SULT2B1: variants seen among roughly 807,000 people sequenced by gnomAD.
The protein encoded by SULT2B1 is sulfotransferase 2B1.
In SULT2B1, 16 loss-of-function variants were observed where a neutral mutation model predicts 33.2. That is an observed-to-expected ratio of 0.48 (90% CI 0.33 to 0.73). SULT2B1 has a LOEUF of 0.73. Ranked by LOEUF, SULT2B1 falls within the 30% of genes least tolerant of loss-of-function variation. SULT2B1 has a pLI of 0.02. For synonymous variants in SULT2B1, 186 were observed against 200.5 expected, an observed-to-expected ratio of 0.93 and a Z score of 0.61; for missense variants, 500 against 506.0, an observed-to-expected ratio of 0.99 and a Z score of 0.11.
intron 5 of SULT2B1, among the ~76,000 whole-genome samples, chr19:48,593,557 A>C (rs912278834): frequency 1.3e-5 from 2 of 152,146 alleles, no homozygotes; most frequent in Non-Finnish European, 2.9e-5. Context: ...GTTCCAAAAA[A>C]TAGAAAGAAA....
chr19:48,568,768 C>G (rs78935929), intron 1 of SULT2B1, among the ~76,000 whole-genome samples: 1 of 152,088 alleles, frequency 6.6e-6, no homozygotes, highest in African/African-American at 2.4e-5. Context: ...TCAGCGGCAC[C>G]GCCAGGGCTG....
chr19:48,570,084 G>A (rs945150089), intron 1 of SULT2B1, among the ~76,000 whole-genome samples: 1 of 152,114 alleles, frequency 6.6e-6, no homozygotes, highest in Non-Finnish European at 1.5e-5. Flanking sequence ...CACAGAGATG[G>A]AATTACACAG....
intron 1 of SULT2B1, among the ~76,000 whole-genome samples, chr19:48,573,660 C>T (rs1973361105): frequency 6.6e-6 from 1 of 152,020 alleles, no homozygotes; most frequent in Admixed American, 6.6e-5. Context: ...CTTGGCTGGA[C>T]TGTGGCGTTC....
At chr19:48,592,271 G>A (rs1053933254) in intron 4 of SULT2B1, among the ~76,000 whole-genome samples, 3 of 151,998 alleles carry the variant, frequency 2.0e-5, no homozygotes, top group Non-Finnish European at 4.4e-5. Flanking sequence ...CAGCCTGGGC[G>A]ACAGAGTGAG....
At chr19:48,592,962 G>A in intron 5 of SULT2B1, 146 bp downstream of exon 5, 1 of 695,218 alleles carries the variant, frequency 1.4e-6, no homozygotes, top group Non-Finnish European at 2.4e-6. Context: ...ACAGAACAGA[G>A]GCCCTGAGCC....
At chr19:48,579,283 C>CTTTT (rs142498510) in intron 2 of SULT2B1, among the ~76,000 whole-genome samples, 1 of 136,682 alleles carries the variant, frequency 7.3e-6, no homozygotes, top group Non-Finnish European at 1.6e-5. Context: ...CATGCAAGTT[C>CTTTT]TTTTTTTTTT....
intron 1 of SULT2B1, among the ~76,000 whole-genome samples, chr19:48,553,304 C>CTTATT (rs943363022): frequency 6.6e-6 from 1 of 152,080 alleles, no homozygotes; most frequent in South Asian, 2.1e-4. Flanking sequence ...TCATTCCTTT[C>CTTATT]TTATTTTATT....
At chr19:48,589,370 A>T (rs62130305) in intron 3 of SULT2B1, among the ~76,000 whole-genome samples, 33,477 of 151,706 alleles carry the variant, frequency 0.22, 3,871 homozygotes, top group South Asian at 0.24. Context: ...GGCCCATCCC[A>T]CGTCCAGCAG....
At chr19:48,571,207 A>T (rs574479537) in intron 1 of SULT2B1, among the ~76,000 whole-genome samples, 862 of 80,530 alleles carry the variant, frequency 0.011, no homozygotes, top group African/African-American at 0.049. Context: ...TTATTTATTT[A>T]TTTATTTTGA....
At chr19:48,584,869 G>T (rs1006323777) in intron 2 of SULT2B1, among the ~76,000 whole-genome samples, 1 of 152,070 alleles carries the variant, frequency 6.6e-6, no homozygotes, top group Non-Finnish European at 1.5e-5. Context: ...TGGCCAACAT[G>T]GCAAAACCCC....
intron 2 of SULT2B1, among the ~76,000 whole-genome samples, chr19:48,576,359 C>CT (rs1188887401): frequency 0.027 from 2,596 of 96,752 alleles, 97 homozygotes; most frequent in South Asian, 0.061. Context: ...CTCTACTTCT[C>CT]TTTTTTTTTT....
At chr19:48,557,220 T>C (rs1406722135) in intron 1 of SULT2B1, among the ~76,000 whole-genome samples, 1 of 151,510 alleles carries the variant, frequency 6.6e-6, no homozygotes, top group African/African-American at 2.5e-5. Flanking sequence ...TTCTAGTTTA[T>C]GGGGTTCATT....
At chr19:48,595,287 A>T (rs2147629589) in intron 5 of SULT2B1, among the ~76,000 whole-genome samples, 1 of 90,184 alleles carries the variant, frequency 1.1e-5, no homozygotes, top group Admixed American at 1.4e-4. Context: ...CGTCTAAAAA[A>T]AAAAAGGCAG....
chr19:48,557,652 C>T (rs1439093831), intron 1 of SULT2B1, among the ~76,000 whole-genome samples: 1 of 152,084 alleles, frequency 6.6e-6, no homozygotes, highest in Non-Finnish European at 1.5e-5. Context: ...CACGGTGGCT[C>T]ACGCCTGTAA....
At chr19:48,590,862 C>G (rs1017477595) in intron 3 of SULT2B1, among the ~76,000 whole-genome samples, 3 of 151,940 alleles carry the variant, frequency 2.0e-5, no homozygotes, top group African/African-American at 4.8e-5. Context: ...GAGGCAGGGT[C>G]TCGTTCTGTC....
At chr19:48,597,761 A>C (rs1973740570) in intron 6 of SULT2B1, among the ~76,000 whole-genome samples, 1 of 149,436 alleles carries the variant, frequency 6.7e-6, no homozygotes, top group South Asian at 2.1e-4. Context: ...CTCCTGCCTC[A>C]GCCTCCCAAG....
chr19:48,576,039 A>G lies in SULT2B1; in HGVS notation c.170A>G (p.Asp57Gly), dbSNP rs1277225910. The G allele has an allele frequency of 5.0e-6, 8 of 1,613,470 alleles. No individual in the cohort carries two copies. The highest frequency in any genetic ancestry group is 6.8e-6 in the Non-Finnish European group (8 of 1,179,722). ...ATCAGCTTGGCGGAGAACACCCAAG[A>G]TGTGCGGGACGACGACATCTTTATC... Reference protein sequence around the residue: ...ESISLAENTQDVRDDDIFIIT... With the variant: ...ESISLAENTQGVRDDDIFIIT... The change falls in exon 2 of 7, where the codon GAT becomes GGT. Residue 57 changes from aspartate (D) to glycine (G), a missense_variant. Asp to Gly is a moderately conservative substitution (Grantham distance 94). Coordinates refer to ENST00000201586, the MANE Select transcript of SULT2B1 (RefSeq NM_177973.2).
intron 2 of SULT2B1, among the ~76,000 whole-genome samples, chr19:48,581,648 G>A (rs962258693): frequency 6.7e-6 from 1 of 150,190 alleles, no homozygotes; most frequent in African/African-American, 2.4e-5. Context: ...TAGTAGAGAC[G>A]GGGTTTCACC....
At chr19:48,554,990 G>A (rs1001669065) in intron 1 of SULT2B1, among the ~76,000 whole-genome samples, 2 of 152,186 alleles carry the variant, frequency 1.3e-5, no homozygotes, top group Non-Finnish European at 2.9e-5. Context: ...GCGAGATCCA[G>A]GAGGTAGACT....
Sources: gnomAD v4.1 joint callset for allele counts (sites outside exome capture counted in the v4.1 genomes callset) on GRCh38, gnomAD v4.1.1 for gene constraint, MANE v1.5 for transcripts, NCBI Gene and HGNC (gene_info 2026-07-23, HGNC 2026-07-21) for gene names.